The following BMPER variants were observed in gnomAD, a reference collection of about 807,000 sequenced individuals.
The protein encoded by BMPER is BMP binding endothelial regulator, also known as BMP-binding endothelial regulator protein.
In BMPER, 45 loss-of-function variants were observed where a neutral mutation model predicts 87.3. The observed-to-expected ratio is 0.52, with a 90% CI of 0.41 to 0.66. The LOEUF (loss-of-function observed/expected upper bound fraction) is 0.66, where lower values mean the gene tolerates loss of function less well. Among genes scored for constraint, BMPER ranks in the 30% least tolerant of loss-of-function variants. The pLI, the probability that BMPER is intolerant of heterozygous loss-of-function variation, is 0.00. For synonymous variants in BMPER, 326 were observed against 316.2 expected, an observed-to-expected ratio of 1.03 and a Z score of -0.33; for missense variants, 784 against 867.5, an observed-to-expected ratio of 0.90 and a Z score of 1.21.
intron 6 of BMPER, among the ~76,000 whole-genome samples, chr7:33,995,882 G>A (rs1184774963): frequency 6.6e-6 from 1 of 152,218 alleles, no homozygotes; most frequent in Non-Finnish European, 1.5e-5. Context: ...ACTGAGGCCA[G>A]GGTGCCCTGG....
intron 14 of BMPER, among the ~76,000 whole-genome samples, chr7:34,151,893 G>A (rs1015769447): frequency 1.4e-4 from 21 of 152,174 alleles, no homozygotes; most frequent in Non-Finnish European, 1.3e-4. Flanking sequence ...TTGATTACTC[G>A]CTGGATAGAA....
rs181276314 is a variant in BMPER, at chr7:34,108,837, A to G, written c.1745+22745A>G. 5.9e-5 allele frequency among the ~76,000 whole-genome samples: 9 copies of G among 152,286 alleles called. No individual in the cohort carries two copies. In the East Asian group the frequency reaches 1.7e-3, roughly 29 times the overall value. On this transcript the variant is annotated intron_variant, in intron 13 of 14. Transcript: ENST00000649409. ...TCCTAAACATTAAATACTTCCTTGA[A>G]TATTACATAGGTCTAATTTTCACCC... is the stretch of plus-strand genomic sequence containing the variant.
At chr7:33,991,269 T>A (rs1250238042) in intron 6 of BMPER, among the ~76,000 whole-genome samples, 2 of 151,632 alleles carry the variant, frequency 1.3e-5, no homozygotes, top group East Asian at 3.9e-4. Context: ...GTTGGTAAGC[T>A]ATTGGTTATT....
At chr7:34,079,236 C>A in intron 12 of BMPER, 50 bp downstream of exon 12, 1 of 1,605,714 alleles carries the variant, frequency 6.2e-7, no homozygotes, top group Non-Finnish European at 8.5e-7. Context: ...CTCACTTACC[C>A]GTTCAGCAGC....
At chr7:34,113,364 T>TG (rs1307432143) in intron 13 of BMPER, among the ~76,000 whole-genome samples, 1 of 152,062 alleles carries the variant, frequency 6.6e-6, no homozygotes, top group East Asian at 1.9e-4. Context: ...TCTTTTTTTG[T>TG]GGTTTATAGG....
chr7:33,962,408 T>A (rs56759297), intron 3 of BMPER, among the ~76,000 whole-genome samples: 1 of 152,168 alleles, frequency 6.6e-6, no homozygotes, highest in Non-Finnish European at 1.5e-5. Flanking sequence ...AAGAACCATA[T>A]TGAGCTTTGT....
At chr7:34,076,361 T>A (rs1049536556) in intron 11 of BMPER, among the ~76,000 whole-genome samples, 2 of 152,210 alleles carry the variant, frequency 1.3e-5, no homozygotes, top group Non-Finnish European at 2.9e-5. Context: ...GAAAGTAATG[T>A]CACTTATGGC....
chr7:33,990,276 C>G (rs868206623), intron 6 of BMPER, among the ~76,000 whole-genome samples: 2 of 135,788 alleles, frequency 1.5e-5, no homozygotes, highest in African/African-American at 5.7e-5. Flanking sequence ...TTTGTTGTAT[C>G]CTCTTTTATT....
At chr7:34,146,506 A>G (rs1314189317) in intron 14 of BMPER, among the ~76,000 whole-genome samples, 2 of 152,202 alleles carry the variant, frequency 1.3e-5, no homozygotes, top group African/African-American at 4.8e-5. Flanking sequence ...TAAAAGTTTA[A>G]TAATAATCAT....
chr7:34,046,266 T>C (rs1411937584), intron 6 of BMPER, 40 bp from the exon 7 acceptor site: 1 of 1,586,012 alleles, frequency 6.3e-7, no homozygotes, highest in South Asian at 1.1e-5. Flanking sequence ...TACATGCACT[T>C]ACTTTTCTAA....
intron 6 of BMPER, among the ~76,000 whole-genome samples, chr7:34,015,216 A>G (rs902294560): frequency 6.6e-6 from 1 of 151,940 alleles, no homozygotes; most frequent in African/African-American, 2.4e-5. Context: ...TTTGAATTCA[A>G]ATTCCATCCC....
Position 34,050,516 on chromosome 7 carries a change from A to G in BMPER, c.677-1345A>G, listed in dbSNP as rs78306745. 7.2e-5 allele frequency among the ~76,000 whole-genome samples: 11 copies of G among 152,296 alleles called. No individual in the cohort carries two copies. The East Asian group carries it at 1.9e-3, about 27-fold the overall frequency. On this transcript the variant is annotated intron_variant, in intron 7 of 14. Coordinates refer to ENST00000649409, the MANE Select transcript of BMPER (RefSeq NM_001365308.1). ...AGACAGCATGTTTTTCTTGACTCCT[A>G]CTAACAGTTATTCCAACAACTCTAA...
intron 2 of BMPER, among the ~76,000 whole-genome samples, chr7:33,923,884 C>T (rs530733027): frequency 7.9e-5 from 12 of 152,254 alleles, no homozygotes; most frequent in South Asian, 4.2e-4. Flanking sequence ...TCAGCCAAGA[C>T]GTTTTCTCTA....
chr7:34,022,908 CAT>C (rs1221114769), intron 6 of BMPER, among the ~76,000 whole-genome samples: 7 of 151,908 alleles, frequency 4.6e-5, no homozygotes, highest in Admixed American at 4.6e-4. Flanking sequence ...TGGACAGTAA[CAT>C]ATCTCCTGTC....
At chr7:34,054,909 G>T (rs1232683052) in intron 8 of BMPER, among the ~76,000 whole-genome samples, 1 of 152,150 alleles carries the variant, frequency 6.6e-6, no homozygotes, top group Non-Finnish European at 1.5e-5. Flanking sequence ...TCAGTCTCTG[G>T]AACGTGAAAT....
rs1199762180 is a variant in BMPER, at chr7:34,120,590, G to A, written c.1746-22640G>A. ...ATTTTGTGTTTTTCGTAGAGATGAG[G>A]TTTCTCCGTATTGGTCAGGCTGATC... On this transcript the variant is annotated intron_variant, in intron 13 of 14. Transcript: ENST00000649409. Among the ~76,000 whole-genome samples, 3 of 152,098 alleles carry A rather than the reference G, an allele frequency of 2.0e-5. No individual in the cohort carries two copies. The South Asian group carries it at 6.2e-4, about 32-fold the overall frequency.
At chr7:34,086,985 T>A (rs1789230319) in intron 13 of BMPER, among the ~76,000 whole-genome samples, 2 of 152,228 alleles carry the variant, frequency 1.3e-5, no homozygotes, top group African/African-American at 4.8e-5. Context: ...AAAACTCCTG[T>A]GGTCTGAAGC....
chr7:34,096,501 G>A (rs1789535830), intron 13 of BMPER, among the ~76,000 whole-genome samples: 1 of 152,116 alleles, frequency 6.6e-6, no homozygotes, highest in East Asian at 1.9e-4. Context: ...GTGCAAATAC[G>A]AAATAGGAGT....
intron 6 of BMPER, among the ~76,000 whole-genome samples, chr7:34,001,853 C>T (rs1289797014): frequency 6.6e-6 from 1 of 151,430 alleles, no homozygotes; most frequent in African/African-American, 2.4e-5. Context: ...TGGTTATATC[C>T]CATAAGTGTT....
Sources: gnomAD v4.1 joint callset for allele counts (sites outside exome capture counted in the v4.1 genomes callset) on GRCh38, gnomAD v4.1.1 for gene constraint, MANE v1.5 for transcripts, NCBI Gene and HGNC (gene_info 2026-07-23, HGNC 2026-07-21) for gene names.